Variants in KCTD14 observed in about 807,000 individuals in gnomAD.
KCTD14 encodes BTB/POZ domain-containing protein KCTD14.
Under a neutral mutation model 5.9 loss-of-function variants are expected in KCTD14, and 7 were observed. The observed-to-expected ratio is 1.19, with a 90% confidence interval of 0.68 to 2.23. The LOEUF (loss-of-function observed/expected upper bound fraction) is 2.23. KCTD14 is among the 30% of genes most tolerant of loss of function. KCTD14 has a pLI of 0.00. For synonymous variants in KCTD14, 140 were observed against 133.1 expected, an observed-to-expected ratio of 1.05 and a Z score of -0.36; for missense variants, 342 against 332.2, an observed-to-expected ratio of 1.03 and a Z score of -0.23.
At chr11:78,024,927 A>G (rs1056766404), upstream of KCTD14, among the ~76,000 whole-genome samples, 1 of 151,778 alleles carries the variant, frequency 6.6e-6, no homozygotes, top group African/African-American at 2.4e-5. Context: ...CCTGGGCAAC[A>G]AGAGTGTAAT....
Position 78,023,254 on chromosome 11 carries a change from A to G in KCTD14, c.-5T>C, listed in dbSNP as rs745311923. On this transcript the variant is annotated 5_prime_UTR_variant, in exon 1 of 2. Coordinates refer to ENST00000353172, the MANE Select transcript of KCTD14 (RefSeq NM_023930.4). ...CACTGCGCAGCCCTGCCACATGCAG[A>G]TCACTTGGGCCAGCGGAAGTGCCCC... 2 of 1,609,134 alleles carry G rather than the reference A, an allele frequency of 1.2e-6. No individual in the cohort carries two copies. Among genetic ancestry groups the G allele is most frequent in the Non-Finnish European group, 8.5e-7 (1 of 1,179,708 alleles).
intron 2 of KCTD14, among the ~76,000 whole-genome samples, chr11:78,035,229 A>T (rs12804353): frequency 0.13 from 20,448 of 152,052 alleles, 1,685 homozygotes; most frequent in East Asian, 0.21. Flanking sequence ...CTACTCTGGG[A>T]GGCTGATCCT....
At chr11:78,032,518 G>A (rs1445056919) in intron 2 of KCTD14, among the ~76,000 whole-genome samples, 1 of 152,114 alleles carries the variant, frequency 6.6e-6, no homozygotes, top group African/African-American at 2.4e-5. Context: ...CCATTTTCCA[G>A]GTGATGAAAT....
intron 2 of KCTD14, among the ~76,000 whole-genome samples, chr11:78,032,853 A>T (rs1857666284): frequency 6.6e-6 from 1 of 151,820 alleles, no homozygotes; most frequent in Non-Finnish European, 1.5e-5. Context: ...TAATTTTTAA[A>T]TTTTTTTTAT....
chr11:78,046,154 G>T, exon 1 of KCTD14: 1 of 984,900 alleles, frequency 1.0e-6, no homozygotes. Flanking sequence ...GAATCAGTTC[G>T]CAAGGGCAGG....
intron 2 of KCTD14, among the ~76,000 whole-genome samples, chr11:78,034,765 G>T (rs927163011): frequency 3.3e-5 from 5 of 152,116 alleles, no homozygotes; most frequent in Admixed American, 6.6e-5. Context: ...GCTCACCGCG[G>T]CCTCAGTGAT....
chr11:78,044,967 T>A (rs1858095604), intron 1 of KCTD14, among the ~76,000 whole-genome samples: 1 of 152,162 alleles, frequency 6.6e-6, no homozygotes, highest in South Asian at 2.1e-4. Flanking sequence ...ATGTGTAGTA[T>A]GTTTACTGAA....
chr11:78,034,903 G>A (rs1221812169), intron 2 of KCTD14, among the ~76,000 whole-genome samples: 2 of 152,058 alleles, frequency 1.3e-5, no homozygotes, highest in African/African-American at 4.8e-5. Context: ...TGCTTCGGGG[G>A]CCACCCTCTT....
At chr11:78,017,987 C>T (rs1857216085) in intron 1 of KCTD14, among the ~76,000 whole-genome samples, 1 of 152,062 alleles carries the variant, frequency 6.6e-6, no homozygotes, top group Non-Finnish European at 1.5e-5. Flanking sequence ...ATCCCAGCTA[C>T]TCAGGAGGCT....
chr11:78,040,274 A>T (rs1393615564), intron 1 of KCTD14, among the ~76,000 whole-genome samples: 37 of 150,910 alleles, frequency 2.5e-4, no homozygotes, highest in Admixed American at 2.4e-3. Context: ...ACCCTCAGAA[A>T]CTCACTTCCT....
At chr11:78,017,641 C>T (rs1252240603) in intron 1 of KCTD14, among the ~76,000 whole-genome samples, 3 of 151,936 alleles carry the variant, frequency 2.0e-5, no homozygotes, top group Admixed American at 6.6e-5. Flanking sequence ...GACGAGGTTT[C>T]GCCATGTTTG....
At chr11:78,017,922 C>A (rs879879040) in intron 1 of KCTD14, among the ~76,000 whole-genome samples, 3 of 151,724 alleles carry the variant, frequency 2.0e-5, no homozygotes, top group Admixed American at 2.0e-4. Context: ...CTTGGCAAAA[C>A]CCTGTTTCTA....
At position 78,017,470 on chromosome 11, in the gene KCTD14, C is replaced by T. The variant is rs535188951; in HGVS notation, c.91-200G>A. Among the ~76,000 whole-genome samples the T allele has an allele frequency of 9.0e-5, 13 of 144,744 alleles. No individual in the cohort carries two copies. In the East Asian group the frequency reaches 1.4e-3, roughly 16 times the overall value. The allele number at this position is 144,744 out of a possible 152,430, so 95.0% of individuals were successfully genotyped here. On this transcript the variant is annotated intron_variant, in intron 1 of 1. Transcript: ENST00000353172. ...GGTGGGCTTTTTTTTTTTTTTTCGA[C>T]GGAGTCTCGCTCTGTCACCCAGGCT...
chr11:78,024,425 C>CAA (rs1428683373), upstream of KCTD14, among the ~76,000 whole-genome samples: 831 of 62,648 alleles, frequency 0.013, 8 homozygotes, highest in African/African-American at 0.027. Context: ...CACACACACA[C>CAA]ACACACACAC....
chr11:78,031,587 C>T (rs1392209253), intron 2 of KCTD14, among the ~76,000 whole-genome samples: 2 of 151,584 alleles, frequency 1.3e-5, no homozygotes, highest in Admixed American at 1.3e-4. Flanking sequence ...GGGGTTTCAC[C>T]ATGTTGGCCA....
At chr11:78,042,321 A>G (rs1290155531) in intron 1 of KCTD14, among the ~76,000 whole-genome samples, 1 of 152,212 alleles carries the variant, frequency 6.6e-6, no homozygotes, top group Non-Finnish European at 1.5e-5. Flanking sequence ...CAGCCTTGTC[A>G]ACATGGTGAA....
At chr11:78,025,770 G>A (rs1243790826), upstream of KCTD14, among the ~76,000 whole-genome samples, 1 of 152,108 alleles carries the variant, frequency 6.6e-6, no homozygotes, top group Admixed American at 6.5e-5. Flanking sequence ...TTGTGGGGTT[G>A]TTTTCCTAGA....
intron 2 of KCTD14, among the ~76,000 whole-genome samples, chr11:78,038,321 C>T (rs537840526): frequency 3.3e-4 from 50 of 152,322 alleles, no homozygotes; most frequent in African/African-American, 1.2e-3. Context: ...TTCTCGCATC[C>T]TCTCCCTATT....
intron 1 of KCTD14, among the ~76,000 whole-genome samples, chr11:78,020,108 G>T (rs562506664): frequency 6.6e-6 from 1 of 152,168 alleles, no homozygotes; most frequent in African/African-American, 2.4e-5. Flanking sequence ...GTGCTGAGAG[G>T]GAAGACTGAA....
Sources: gnomAD v4.1 joint callset for allele counts (sites outside exome capture counted in the v4.1 genomes callset) on GRCh38, gnomAD v4.1.1 for gene constraint, MANE v1.5 for transcripts, NCBI Gene and HGNC (gene_info 2026-07-23, HGNC 2026-07-21) for gene names.